PXN: variants seen among roughly 807,000 people sequenced by gnomAD.
PXN encodes the protein testicular tissue protein Li 134.
A neutral mutation model predicts 103.6 loss-of-function variants in PXN; 61 were observed. That is an observed-to-expected ratio of 0.59 (90% CI 0.48 to 0.73). The LOEUF is 0.73. PXN is among the 30% of genes least tolerant of loss of function. The pLI, the probability that PXN is intolerant of heterozygous loss-of-function variation, is 0.00. For missense variants in PXN, 1,274 were observed against 1,460.3 expected (o/e 0.87, Z 2.08); for synonymous variants, 562 against 607.8 (o/e 0.92, Z 1.11).
Position 120,212,756 on chromosome 12 carries a change from A to AT in PXN, c.2980-177dup, listed in dbSNP as rs1244881977. 4.2e-5 allele frequency: 29 copies of AT among 697,898 alleles called. No homozygotes were observed. The highest frequency in any genetic ancestry group is 5.7e-5 in the Non-Finnish European group (26 of 459,248). 43.2% of individuals were successfully genotyped at this position (697,898 alleles called of 1,614,324 possible). On this transcript the variant is annotated intron_variant, in intron 14 of 14. Transcript: ENST00000637617. The surrounding 1 kb of genome is among the most constrained non-coding windows in gnomAD (Gnocchi z 7.2). ...TTTTCATTTTTATTTTATTAAATAA[A>AT]TTTTTTTTGTAGAGATGGGGGTCTC...
At chr12:120,255,372 C>T (rs1892834381) in intron 1 of PXN, among the ~76,000 whole-genome samples, 1 of 152,068 alleles carries the variant, frequency 6.6e-6, no homozygotes, top group African/African-American at 2.4e-5. Flanking sequence ...AAAGAGCAAA[C>T]GTGGAAGAAT....
Position 120,215,803 on chromosome 12 carries a change from A to C in PXN, c.2302-142T>G. 7.8e-7 allele frequency: 1 copy of C among 1,288,374 alleles called. No individual in the cohort carries two copies. Among genetic ancestry groups the C allele is most frequent in the South Asian group, 1.7e-5 (1 of 58,216 alleles). 79.8% of individuals were successfully genotyped at this position (1,288,374 alleles called of 1,614,324 possible). A position where few individuals can be genotyped will look rare whatever the true frequency, so the allele number is the denominator to read the frequency against. On this transcript the variant is annotated intron_variant, in intron 9 of 14. Transcript: ENST00000637617. This position sits in a 1 kb window ranked among gnomAD's most constrained non-coding sequence, Gnocchi z 4.9. ...ACCGGCAGGACCAAAATTGGGGGAAAAAATCTGGAGAAAAAGAGCCCTGAG... is the reference window on the plus strand; with the variant it reads ...ACCGGCAGGACCAAAATTGGGGGAACAAATCTGGAGAAAAAGAGCCCTGAG...
rs750570666 is a variant in PXN at position 120,215,313 on chromosome 12, C to T, written c.2404-40G>A. On this transcript the variant is annotated intron_variant, in intron 10 of 14. Coordinates refer to ENST00000637617, the MANE Select transcript of PXN (RefSeq NM_001385981.1). The surrounding 1 kb of genome is among the most constrained non-coding windows in gnomAD (Gnocchi z 4.9). The stretch of plus-strand genomic sequence containing the variant: ...GGGGCTGGTCAGGACTCCTGAGGCT[C>T]GGGGTACGGTGTCTGGCAGCACAGG... 44 of 1,554,712 alleles carry T rather than the reference C, an allele frequency of 2.8e-5. No individual in the cohort carries two copies. The highest frequency in any genetic ancestry group is 3.5e-5 in the Non-Finnish European group (40 of 1,153,844).
intron 3 of PXN, among the ~76,000 whole-genome samples, chr12:120,223,512 G>GTGATAGCCCA (rs1345216829): frequency 6.6e-6 from 1 of 152,216 alleles, no homozygotes; most frequent in Non-Finnish European, 1.5e-5. Flanking sequence ...CGGAGATGCT[G>GTGATAGCCCA]TGATAGCCCA....
At chr12:120,248,854 T>C (rs551309676) in intron 1 of PXN, 5 of 152,310 alleles carry the variant, frequency 3.3e-5, no homozygotes, top group South Asian at 2.1e-4. Flanking sequence ...CTGGCAGTTA[T>C]GGCCAGGTGC....
chr12:120,265,484 G>T lies in PXN; in HGVS notation c.13+133C>A. The T allele has an allele frequency of 9.3e-7, 1 of 1,070,122 alleles. No homozygotes were observed. Among genetic ancestry groups the T allele is most frequent in the Non-Finnish European group, 1.2e-6 (1 of 805,868 alleles). 66.3% of individuals were successfully genotyped at this position (1,070,122 alleles called of 1,614,324 possible). ...GGGATCCCAGCCCCGCGGAGCCCCG[G>T]CCGGCAGGGACAGGAGCTGAGGCCG... is the stretch of plus-strand genomic sequence containing the variant. On this transcript the variant is annotated intron_variant, in intron 1 of 14. Transcript: ENST00000637617. The surrounding 1 kb of genome is among the most constrained non-coding windows in gnomAD (Gnocchi z 5.7).
intron 1 of PXN, among the ~76,000 whole-genome samples, chr12:120,249,372 A>C (rs1359164259): frequency 9.2e-5 from 14 of 152,072 alleles, no homozygotes; most frequent in Admixed American, 7.9e-4. Context: ...ACAGAGGGGG[A>C]GTGCAGACTG....
chr12:120,260,450 C>T (rs1463228076), intron 1 of PXN, among the ~76,000 whole-genome samples: 1 of 150,712 alleles, frequency 6.6e-6, no homozygotes, highest in Non-Finnish European at 1.5e-5. Flanking sequence ...TTGTGGTGAG[C>T]CGAGATCATG....
rs1188203770 is a variant in PXN at position 120,221,267 on chromosome 12, G to A, written c.831+356C>T. ...AGTCCCACATGGCCCAGCAGAGAAT[G>A]CCCTCCCCCACCCAGAGCAGCCATC... On this transcript the variant is annotated intron_variant, in intron 6 of 14. Coordinates refer to ENST00000637617, the MANE Select transcript of PXN (RefSeq NM_001385981.1). This position sits in a 1 kb window ranked among gnomAD's most constrained non-coding sequence, Gnocchi z 6.6. 6.6e-6 allele frequency among the ~76,000 whole-genome samples: 1 copy of A among 152,108 alleles called. No homozygotes were observed. The highest frequency in any genetic ancestry group is 1.9e-4 in the East Asian group (1 of 5,194).
At chr12:120,230,838 C>T (rs1221169174) in intron 1 of PXN, among the ~76,000 whole-genome samples, 1 of 152,198 alleles carries the variant, frequency 6.6e-6, no homozygotes, top group Non-Finnish European at 1.5e-5. Flanking sequence ...CACCCACCCC[C>T]AGCCCAGGGA....
At position 120,215,699 on chromosome 12, in the gene PXN, T is replaced by A. The variant is rs1482957812; in HGVS notation, c.2302-38A>T. 6.4e-7 allele frequency: 1 copy of A among 1,563,196 alleles called. No homozygotes were observed. Among genetic ancestry groups the A allele is most frequent in the East Asian group, 2.3e-5 (1 of 43,970 alleles). Reference sequence around the variant, plus strand: ...AAGAGATGAGGGTAAGAAATCTTTTTTAAAAATTAAGAAAGAATACAAGAC... The same window carrying A: ...AAGAGATGAGGGTAAGAAATCTTTTATAAAAATTAAGAAAGAATACAAGAC... On this transcript the variant is annotated intron_variant, in intron 9 of 14. Transcript: ENST00000637617. The surrounding 1 kb of genome is among the most constrained non-coding windows in gnomAD (Gnocchi z 4.9).
Position 120,220,090 on chromosome 12 carries a change from G to C in PXN, c.833C>G (p.Thr278Ser), listed in dbSNP as rs760965177. ...ACTCAGAGCCACAGTGGAGGAGCTG[G>C]TCTGGAGAAGAGAGAAATGCAGAGG... ...ELMASLSDFK[T>S]SSSTVALSAP... Residue 278 changes from threonine (T) to serine (S), a missense_variant and splice_region_variant, in exon 7 of 15, where the codon ACC becomes AGC. Physicochemically the swap from Thr to Ser is moderately conservative, Grantham distance 58. Around this residue, in one of 2 missense-constraint regions of PXN, gnomAD observed 1,178 missense variants for 1,309.0 expected, o/e 0.90. Coordinates refer to ENST00000637617, the MANE Select transcript of PXN (RefSeq NM_001385981.1). The surrounding 1 kb of genome is among the most constrained non-coding windows in gnomAD (Gnocchi z 6.1). 12 of 1,147,016 alleles carry C rather than the reference G, an allele frequency of 1.0e-5. No homozygotes were observed. Among genetic ancestry groups the C allele is most frequent in the Non-Finnish European group, 1.5e-5 (12 of 819,266 alleles). The allele number at this position is 1,147,016 out of a possible 1,614,324, so 71.1% of individuals were successfully genotyped here.
At chr12:120,227,232 G>A (rs1324235467) in intron 1 of PXN, 18 of 867,628 alleles carry the variant, frequency 2.1e-5, no homozygotes, top group Non-Finnish European at 2.5e-5. Flanking sequence ...TGGGTGTGGT[G>A]GCGCATGCCT....
At chr12:120,238,721 C>T (rs543419459) in intron 1 of PXN, among the ~76,000 whole-genome samples, 1 of 152,310 alleles carries the variant, frequency 6.6e-6, no homozygotes, top group Non-Finnish European at 1.5e-5. Flanking sequence ...TGAGGGGAAA[C>T]TGGGTGACTG....
intron 1 of PXN, among the ~76,000 whole-genome samples, chr12:120,237,883 C>T (rs955217212): frequency 3.3e-5 from 5 of 152,116 alleles, no homozygotes; most frequent in Non-Finnish European, 7.4e-5. Flanking sequence ...TCGTCTCAGT[C>T]CCCCCACCCC....
chr12:120,255,082 T>A (rs1423532318), intron 1 of PXN, among the ~76,000 whole-genome samples: 2 of 152,034 alleles, frequency 1.3e-5, no homozygotes, highest in African/African-American at 4.8e-5. Flanking sequence ...ACCGGAAGAA[T>A]CTGGACAATA....
chr12:120,253,034 C>CTTTTTG (rs996664320), intron 1 of PXN, among the ~76,000 whole-genome samples: 19 of 147,078 alleles, frequency 1.3e-4, no homozygotes, highest in Admixed American at 1.0e-3. Context: ...ACAACATGGA[C>CTTTTTG]TTTTTGGTGC....
At chr12:120,252,686 A>G (rs1892378522) in intron 1 of PXN, among the ~76,000 whole-genome samples, 3 of 152,282 alleles carry the variant, frequency 2.0e-5, no homozygotes, top group South Asian at 2.1e-4. Flanking sequence ...TGTGTGAGGC[A>G]AGTGAGACCC....
rs147918268 is a variant in PXN at position 120,248,013 on chromosome 12, A to G, written c.13+17604T>C. On this transcript the variant is annotated intron_variant, in intron 1 of 14. Transcript: ENST00000637617. ...AACAGAGCTCTAAAGTAGATAAAGC[A>G]AAAATGGACAAAATTGAAAAGAAAA... 3.0e-3 allele frequency among the ~76,000 whole-genome samples: 463 copies of G among 152,316 alleles called. 3 individuals are homozygous for G. The highest frequency in any genetic ancestry group is 0.01 in the African/African-American group (436 of 41,590).
Sources: gnomAD v4.1 joint callset for allele counts (sites outside exome capture counted in the v4.1 genomes callset) on GRCh38, gnomAD v4.1.1 for gene constraint, gnomAD v4.1.1 regional missense constraint, Gnocchi (gnomAD v3.1) non-coding constraint, MANE v1.5 for transcripts, NCBI Gene and HGNC (gene_info 2026-07-23, HGNC 2026-07-21) for gene names.